Variants in TCHHL1 observed in about 807,000 individuals in gnomAD.
TCHHL1 encodes trichohyalin like 1, also known as trichohyalin-like protein 1.
Under a neutral mutation model 3.5 loss-of-function variants are expected in TCHHL1, and 1 was observed. The ratio of observed to expected loss-of-function variants is 0.29; its 90% CI spans 0.10 to 1.36. TCHHL1 has a LOEUF of 1.36. Ranked by LOEUF, TCHHL1 falls within the 40% of genes most tolerant of loss-of-function variation. TCHHL1 has a pLI of 0.43. For synonymous variants in TCHHL1, 405 were observed against 375.3 expected, an observed-to-expected ratio of 1.08 and a Z score of -0.92; for missense variants, 1,027 against 1,032.8, an observed-to-expected ratio of 0.99 and a Z score of 0.08.
Position 152,085,986 on chromosome 1 carries a change from C to G in TCHHL1, c.1696G>C (p.Glu566Gln). 6.2e-7 allele frequency: 1 copy of G among 1,614,214 alleles called. No homozygotes were observed. The highest frequency in any genetic ancestry group is 8.5e-7 in the Non-Finnish European group (1 of 1,180,040). ...TGGGAGTCCCCTTGCACAGGCAGTTCACCTGTCTCTGAGCTGCTATTGCCT... is the reference window on the plus strand; with the variant it reads ...TGGGAGTCCCCTTGCACAGGCAGTTGACCTGTCTCTGAGCTGCTATTGCCT... The part of the protein sequence containing the change: ...EEGNSSSETG[E>Q]LPVQGDSQSQ... The change falls in exon 3 of 3, where the codon GAA becomes CAA. Residue 566 changes from glutamate (E) to glutamine (Q), a missense_variant. Physicochemically the swap from Glu to Gln is conservative, Grantham distance 29. Around this residue, in one of 3 missense-constraint regions of TCHHL1, gnomAD observed 673 missense variants for 658.6 expected, o/e 1.02. Coordinates refer to ENST00000368806, the MANE Select transcript of TCHHL1 (RefSeq NM_001008536.2).
chr1:152,088,003 C>T lies in TCHHL1; in HGVS notation c.138+3G>A, dbSNP rs1348226180. 1.3e-6 allele frequency: 2 copies of T among 1,588,370 alleles called. No individual in the cohort carries two copies. Among genetic ancestry groups the T allele is most frequent in the Non-Finnish European group, 1.7e-6 (2 of 1,170,646 alleles). On this transcript the variant is annotated splice_donor_region_variant and intron_variant, in intron 2 of 2. Coordinates refer to ENST00000368806, the MANE Select transcript of TCHHL1 (RefSeq NM_001008536.2). The stretch of plus-strand genomic sequence containing the variant: ...AATTTACACAGCTCTGTGAGAAGCT[C>T]ACCTGAAAAAAGTCCCCAAACTCGC...
Position 152,087,445 on chromosome 1 carries a change from G to A in TCHHL1, c.237C>T (p.Asn79=), listed in dbSNP as rs764645944. ...SFDEFVLAIF[N]LLNLCYLDIK... ...TGTCAAGATAACAGAGGTTCAACAA[G>A]TTGAAGATTGCAAGAACAAATTCAT... The change falls in exon 3 of 3, where the codon AAC becomes AAT. Residue 79 remains asparagine, a synonymous_variant. Coordinates refer to ENST00000368806, the MANE Select transcript of TCHHL1 (RefSeq NM_001008536.2). The A allele has an allele frequency of 8.7e-6, 14 of 1,608,536 alleles. No homozygotes were observed. The South Asian group carries it at 1.5e-4, about 18-fold the overall frequency.
chr1:152,084,649 TGGAAAAAC>T lies in TCHHL1; in HGVS notation c.*310_*317del, dbSNP rs1657681628. On this transcript the variant is annotated 3_prime_UTR_variant, in exon 3 of 3. Coordinates refer to ENST00000368806, the MANE Select transcript of TCHHL1 (RefSeq NM_001008536.2). ...TCTATTTTAAATTCAATGAATCAGTTGGAAAAACTGGCACCTGCTAAAGATATGGAAGG... is the reference window on the plus strand; with the variant it reads ...TCTATTTTAAATTCAATGAATCAGTTTGGCACCTGCTAAAGATATGGAAGG... 4.1e-6 allele frequency: 1 copy of T among 241,054 alleles called. No individual in the cohort carries two copies. Among genetic ancestry groups the T allele is most frequent in the African/African-American group, 2.3e-5 (1 of 44,094 alleles). 14.9% of individuals were successfully genotyped at this position (241,054 alleles called of 1,614,324 possible).
intron 2 of TCHHL1, 127 bp from the exon 3 acceptor site, chr1:152,087,670 A>G: frequency 9.7e-7 from 1 of 1,034,714 alleles, no homozygotes; most frequent in South Asian, 1.7e-5. Flanking sequence ...AACAGCAAGA[A>G]CTTATTGGTT....
At chr1:152,088,664 G>T (rs1657780055) in intron 1 of TCHHL1, among the ~76,000 whole-genome samples, 1 of 152,070 alleles carries the variant, frequency 6.6e-6, no homozygotes, top group African/African-American at 2.4e-5. Context: ...TTTGCAGGTG[G>T]TAACAACATG....
At position 152,086,056 on chromosome 1, in the gene TCHHL1, A is replaced by T. The variant is rs1414279679; in HGVS notation, c.1626T>A (p.Ser542Arg). ...GEDPESPFTQ[S>R]DEGSSETPNS... Reference sequence around the variant, plus strand: ...TGGGAGTTTCAGAAGACCCCTCATCACTCTGTGTGAATGGTGACTCAGGGT... The same window carrying T: ...TGGGAGTTTCAGAAGACCCCTCATCTCTCTGTGTGAATGGTGACTCAGGGT... The change falls in exon 3 of 3, where the codon AGT becomes AGA. Residue 542 changes from serine (S) to arginine (R), a missense_variant. By Grantham distance (110) the Ser-to-Arg change is moderately radical. Coordinates refer to ENST00000368806, the MANE Select transcript of TCHHL1 (RefSeq NM_001008536.2). The T allele has an allele frequency of 2.5e-6, 4 of 1,612,818 alleles. No homozygotes were observed. The highest frequency in any genetic ancestry group is 2.5e-6 in the Non-Finnish European group (3 of 1,179,728).
chr1:152,086,686 G>A lies in TCHHL1; in HGVS notation c.996C>T (p.Asp332=), dbSNP rs774556745. 1.2e-6 allele frequency: 2 copies of A among 1,614,038 alleles called. No homozygotes were observed. Among genetic ancestry groups the A allele is most frequent in the African/African-American group, 1.3e-5 (1 of 74,926 alleles). Reference sequence around the variant, plus strand: ...CAGCATCCTTTCCTGGTTCTTGAGTGTCAAACATTCTACAGACATCCTTGG... The same window carrying A: ...CAGCATCCTTTCCTGGTTCTTGAGTATCAAACATTCTACAGACATCCTTGG... ...TDSKDVCRMF[D]TQEPGKDADQ... is the part of the protein sequence containing the mutation. The change falls in exon 3 of 3, where the codon GAC becomes GAT. Residue 332 remains aspartate (D), a synonymous_variant. Coordinates refer to ENST00000368806, the MANE Select transcript of TCHHL1 (RefSeq NM_001008536.2).
rs896487742 is a variant in TCHHL1, at chr1:152,088,096, G to C, written c.48C>G (p.His16Gln). 6.2e-7 allele frequency: 1 copy of C among 1,609,786 alleles called. No homozygotes were observed. Among genetic ancestry groups the C allele is most frequent in the Non-Finnish European group, 8.5e-7 (1 of 1,178,494 alleles). ...RNVLCVIETF[H>Q]KYASEDSNGA... ...CGTTACTGTCCTCACTGGCATATTT[G>C]TGGAATGTCTCAATTACACAGAGGA... is the stretch of plus-strand genomic sequence containing the variant. Residue 16 changes from histidine to glutamine, a missense_variant, in exon 2 of 3, where the codon CAC (histidine) becomes CAG (glutamine). His to Gln is a conservative substitution (Grantham distance 24). Around this residue, in one of 3 missense-constraint regions of TCHHL1, gnomAD observed 338 missense variants for 335.9 expected, o/e 1.01. Coordinates refer to ENST00000368806, the MANE Select transcript of TCHHL1 (RefSeq NM_001008536.2).
chr1:152,084,978 T>C lies in TCHHL1; in HGVS notation c.2704A>G (p.Thr902Ala), dbSNP rs1417005159. 5 of 1,612,830 alleles carry C rather than the reference T, an allele frequency of 3.1e-6. No homozygotes were observed. The highest frequency in any genetic ancestry group is 4.2e-6 in the Non-Finnish European group (5 of 1,179,426). ...RLVLQREAST[T>A]KQ is the part of the protein sequence containing the mutation. ...GAGATGATAATGATTCATTGCTTTG[T>C]GGTGCTTGCCTCCCTTTGTAGTACC... The change falls in exon 3 of 3, where the codon ACA (threonine) becomes GCA (alanine). Residue 902 changes from threonine (T) to alanine (A), a missense_variant. This residue lies in a region of TCHHL1 where 673 missense variants were observed against 658.6 expected (regional missense o/e 1.02). Transcript: ENST00000368806.
In TCHHL1 at chr1:152,086,503, CT is replaced by C; in HGVS notation, c.1178del (p.Glu393GlyfsTer23). 1 of 1,614,204 alleles carries C rather than the reference CT, an allele frequency of 6.2e-7. No homozygotes were observed. The highest frequency in any genetic ancestry group is 8.5e-7 in the Non-Finnish European group (1 of 1,180,036). The stretch of plus-strand genomic sequence containing the variant: ...TTCCATGGGCCTCAGGACCTCTCCT[CT>C]CTTTCCTTTCATCTCTCATGTCAGA... Reference protein sequence around the residue: ...ETSDMRDERKERRGPEAHGTA... With the variant: ...ETSDMRDERKXRRGPEAHGTA... On this transcript the variant is annotated frameshift_variant, in exon 3 of 3. Coordinates refer to ENST00000368806, the MANE Select transcript of TCHHL1 (RefSeq NM_001008536.2). LOFTEE classifies it low-confidence loss of function (END_TRUNC).
Position 152,088,107 on chromosome 1 carries a change from C to T in TCHHL1, c.37G>A (p.Glu13Lys), listed in dbSNP as rs1286787265. 1.2e-6 allele frequency: 2 copies of T among 1,607,366 alleles called. No individual in the cohort carries two copies. The highest frequency in any genetic ancestry group is 1.1e-5 in the South Asian group (1 of 90,032). The change falls in exon 2 of 3, where the codon GAG becomes AAG. Residue 13 changes from glutamate (E) to lysine (K), a missense_variant. By Grantham distance (56) the Glu-to-Lys change is moderately conservative (BLOSUM62 1). Transcript: ENST00000368806. ...QLLRNVLCVIETFHKYASEDS... is the reference protein window; with the variant it reads ...QLLRNVLCVIKTFHKYASEDS... ...TCACTGGCATATTTGTGGAATGTCT[C>T]AATTACACAGAGGACATTTCTCAGG...
rs1173677949 is a variant in TCHHL1, at chr1:152,085,819, G to A, written c.1863C>T (p.Leu621=). Residue 621 remains leucine (L), a synonymous_variant, in exon 3 of 3, where the codon CTC becomes CTT. Coordinates refer to ENST00000368806, the MANE Select transcript of TCHHL1 (RefSeq NM_001008536.2). ...VPAVRGEDVQ[L]TEDQEQPARG... ...TGGCAGGCTGTTCCTGGTCCTCTGT[G>A]AGCTGTACATCCTCTCCTCTGACTG... 1.2e-6 allele frequency: 2 copies of A among 1,614,136 alleles called. No individual in the cohort carries two copies.
rs1657708102 is a variant in TCHHL1 at position 152,085,726 on chromosome 1, G to A, written c.1956C>T (p.His652=). The A allele has an allele frequency of 3.1e-6, 5 of 1,613,962 alleles. No homozygotes were observed. The highest frequency in any genetic ancestry group is 4.2e-6 in the Non-Finnish European group (5 of 1,180,030). Residue 652 remains histidine (H), a synonymous_variant, in exon 3 of 3, where the codon CAC becomes CAT. Transcript: ENST00000368806. Reference sequence around the variant, plus strand: ...CTGCTGTGGATTCCTGTGCTTCTGGGTGTCCATTGGGCTCCACAGCTGCAC... The same window carrying A: ...CTGCTGTGGATTCCTGTGCTTCTGGATGTCCATTGGGCTCCACAGCTGCAC... ...GPGAAVEPNG[H]PEAQESTAGD...
Position 152,087,431 on chromosome 1 carries a change from C to G in TCHHL1, c.251G>C (p.Cys84Ser). The G allele has an allele frequency of 6.2e-7, 1 of 1,610,604 alleles. No individual in the cohort carries two copies. Among genetic ancestry groups the G allele is most frequent in the South Asian group, 1.1e-5 (1 of 91,080 alleles). Residue 84 changes from cysteine (C) to serine (S), a missense_variant, in exon 3 of 3, where the codon TGT (cysteine) becomes TCT (serine). Physicochemically the swap from Cys to Ser is moderately radical, Grantham distance 112. This residue lies in a region of TCHHL1 where 338 missense variants were observed against 335.9 expected (regional missense o/e 1.01). Coordinates refer to ENST00000368806, the MANE Select transcript of TCHHL1 (RefSeq NM_001008536.2). ...VLAIFNLLNLCYLDIKSLLSS... is the reference protein window; with the variant it reads ...VLAIFNLLNLSYLDIKSLLSS... ...TAGTAATGATTTTATGTCAAGATAA[C>G]AGAGGTTCAACAAGTTGAAGATTGC...
In TCHHL1 at chr1:152,087,185, T is replaced by C. The variant is rs1657749830; in HGVS notation, c.497A>G (p.His166Arg). 19 of 1,614,252 alleles carry C rather than the reference T, an allele frequency of 1.2e-5. No homozygotes were observed. Among genetic ancestry groups the C allele is most frequent in the Non-Finnish European group, 1.6e-5 (19 of 1,180,038 alleles). ...TTCAGATGCTTCTCCTGGAAAGTTG[T>C]GAGTCTTGGCTTCTCTCCATGGGTC... ...RVDPWREAKT[H>R]NFPGEASEHN... The change falls in exon 3 of 3, where the codon CAC becomes CGC. Residue 166 changes from histidine (H) to arginine (R), a missense_variant. By Grantham distance (29) the His-to-Arg change is conservative (BLOSUM62 0). Transcript: ENST00000368806.
rs746518709 is a variant in TCHHL1 at position 152,086,767 on chromosome 1, G to A, written c.915C>T (p.Asp305=). The A allele has an allele frequency of 3.1e-6, 5 of 1,614,176 alleles. No individual in the cohort carries two copies. Among genetic ancestry groups the A allele is most frequent in the Non-Finnish European group, 4.2e-6 (5 of 1,180,030 alleles). Residue 305 remains aspartate, a synonymous_variant, in exon 3 of 3, where the codon GAC becomes GAT. Transcript: ENST00000368806. ...ACCTGGCAGCAGCTTGTTCTGGCAGGTCAGCATGCTGTGAACTGGGCTCAT... is the reference window on the plus strand; with the variant it reads ...ACCTGGCAGCAGCTTGTTCTGGCAGATCAGCATGCTGTGAACTGGGCTCAT... The part of the protein sequence containing the change: ...REDEPSSQHA[D]LPEQAAARSP...
rs746625152 is a variant in TCHHL1 at position 152,088,090 on chromosome 1, A to G, written c.54T>C (p.Tyr18=). 6.2e-7 allele frequency: 1 copy of G among 1,610,422 alleles called. No homozygotes were observed. Among genetic ancestry groups the G allele is most frequent in the African/African-American group, 1.3e-5 (1 of 74,922 alleles). Residue 18 remains tyrosine (Y), a synonymous_variant, in exon 2 of 3, where the codon TAT becomes TAC. Transcript: ENST00000368806. ...VLCVIETFHK[Y]ASEDSNGATL... is the part of the protein sequence containing the mutation. ...TTGCCCCGTTACTGTCCTCACTGGCATATTTGTGGAATGTCTCAATTACAC... is the reference window on the plus strand; with the variant it reads ...TTGCCCCGTTACTGTCCTCACTGGCGTATTTGTGGAATGTCTCAATTACAC...
chr1:152,088,703 C>T (rs1657780774), intron 1 of TCHHL1, among the ~76,000 whole-genome samples: 1 of 152,166 alleles, frequency 6.6e-6, no homozygotes, highest in Non-Finnish European at 1.5e-5. Context: ...GATTCCATGT[C>T]CCGACCCCTT....
Position 152,087,265 on chromosome 1 carries a change from T to C in TCHHL1, c.417A>G (p.Ala139=). 2.5e-6 allele frequency: 4 copies of C among 1,614,182 alleles called. No individual in the cohort carries two copies. The highest frequency in any genetic ancestry group is 3.4e-6 in the Non-Finnish European group (4 of 1,180,022). The change falls in exon 3 of 3, where the codon GCA becomes GCG. Residue 139 remains alanine (A), a synonymous_variant. Coordinates refer to ENST00000368806, the MANE Select transcript of TCHHL1 (RefSeq NM_001008536.2). ...QEKRMLPSGM[A]SSSQLIPEES... ...CTTCAGGGATGAGCTGAGATGATGA[T>C]GCCATTCCTGAAGGAAGCATCCTCT...
Sources: gnomAD v4.1 joint callset for allele counts (sites outside exome capture counted in the v4.1 genomes callset) on GRCh38, gnomAD v4.1.1 for gene constraint, gnomAD v4.1.1 regional missense constraint, MANE v1.5 for transcripts, NCBI Gene and HGNC (gene_info 2026-07-23, HGNC 2026-07-21) for gene names.